CAB39: variants seen among roughly 807,000 people sequenced by gnomAD.
CAB39 encodes the protein calcium binding protein 39.
A neutral mutation model predicts 40.0 loss-of-function variants in CAB39; 8 were observed. The observed-to-expected ratio is 0.20, with a 90% CI of 0.12 to 0.36. CAB39 has a LOEUF of 0.36. CAB39 is among the 10% of genes least tolerant of loss of function. CAB39 has a pLI of 1.00. For synonymous variants in CAB39, 156 were observed against 141.6 expected (o/e 1.10, Z -0.72); for missense variants, 270 against 401.1 (o/e 0.67, Z 2.79).
At chr2:230,749,071 C>T (rs571587871) in intron 1 of CAB39, among the ~76,000 whole-genome samples, 1 of 148,306 alleles carries the variant, frequency 6.7e-6, no homozygotes, top group South Asian at 2.1e-4. Context: ...CCAAGGTAAC[C>T]AAAGAAAATT....
At chr2:230,759,162 A>G (rs1233033709) in intron 1 of CAB39, among the ~76,000 whole-genome samples, 1 of 152,172 alleles carries the variant, frequency 6.6e-6, no homozygotes, top group South Asian at 2.1e-4. Context: ...CATCTTGACA[A>G]CTGTCACATA....
At chr2:230,715,187 A>G (rs1009436597) in intron 1 of CAB39, among the ~76,000 whole-genome samples, 3 of 152,188 alleles carry the variant, frequency 2.0e-5, no homozygotes, top group African/African-American at 7.2e-5. Context: ...CATATAAAAA[A>G]TTTTTACTCA....
At chr2:230,754,327 T>TTCTTCCTTCTTCTTCCTTCC (rs1553670306) in intron 1 of CAB39, among the ~76,000 whole-genome samples, 2 of 136,182 alleles carry the variant, frequency 1.5e-5, no homozygotes, top group Admixed American at 7.1e-5. Context: ...TCCTTCTTCC[T>TTCTTCCTTCTTCTTCCTTCC]TCTTCTTCCT....
chr2:230,814,124 AC>A lies in CAB39; in HGVS notation c.693+12del. On this transcript the variant is annotated intron_variant, in intron 7 of 8. Transcript: ENST00000258418. ...AAGACAGTCACTGAAGGTATGACAG[AC>A]CATTTTGTATAGCTTATTTCTCTGT... The A allele has an allele frequency of 7.3e-7, 1 of 1,365,866 alleles. No homozygotes were observed. The highest frequency in any genetic ancestry group is 1.0e-6 in the Non-Finnish European group (1 of 977,148). 84.6% of individuals were successfully genotyped at this position (1,365,866 alleles called of 1,614,324 possible). A position where few individuals can be genotyped will look rare whatever the true frequency, so the allele number is the denominator to read the frequency against.
intron 2 of CAB39, among the ~76,000 whole-genome samples, chr2:230,760,938 T>C (rs1316398802): frequency 1.3e-5 from 2 of 152,224 alleles, no homozygotes; most frequent in Admixed American, 6.5e-5. Flanking sequence ...ACATTTTCAG[T>C]GTAGATTCTT....
chr2:230,730,235 A>G (rs983397216), intron 1 of CAB39, among the ~76,000 whole-genome samples: 2 of 152,098 alleles, frequency 1.3e-5, no homozygotes, highest in African/African-American at 4.8e-5. Context: ...CAGCCTCTCG[A>G]GTAGCTGGGA....
intron 2 of CAB39, among the ~76,000 whole-genome samples, chr2:230,765,472 A>C (rs1386356452): frequency 1.2e-4 from 19 of 152,272 alleles, no homozygotes; most frequent in Non-Finnish European, 2.9e-5. Flanking sequence ...GCACTTTGAA[A>C]GGTACTATGA....
At chr2:230,756,707 T>G (rs1225493382) in intron 1 of CAB39, among the ~76,000 whole-genome samples, 2 of 149,666 alleles carry the variant, frequency 1.3e-5, no homozygotes, top group African/African-American at 4.9e-5. Flanking sequence ...ATTTATTTAT[T>G]TTTGAGACGG....
chr2:230,715,473 G>A (rs1182309673), intron 1 of CAB39, among the ~76,000 whole-genome samples: 1 of 152,174 alleles, frequency 6.6e-6, no homozygotes, highest in Non-Finnish European at 1.5e-5. Context: ...TTAAAGGGAT[G>A]TTGTCAAAAG....
chr2:230,819,951 C>G lies in CAB39; in HGVS notation c.*1247C>G, dbSNP rs1696478533. ...AACTGAATAATTAAAACTTTGGCTTCTCTTAGGAAAAGACGACTTCCTAGT... is the reference window on the plus strand; with the variant it reads ...AACTGAATAATTAAAACTTTGGCTTGTCTTAGGAAAAGACGACTTCCTAGT... On this transcript the variant is annotated 3_prime_UTR_variant, in exon 9 of 9. Transcript: ENST00000258418. The G allele has an allele frequency of 6.6e-6, 1 of 152,584 alleles. No homozygotes were observed. Among genetic ancestry groups the G allele is most frequent in the African/African-American group, 2.4e-5 (1 of 41,420 alleles). The allele number at this position is 152,584 out of a possible 1,614,324, so 9.5% of individuals were successfully genotyped here.
chr2:230,763,841 G>A (rs1283533733), intron 2 of CAB39, among the ~76,000 whole-genome samples: 3 of 152,104 alleles, frequency 2.0e-5, no homozygotes, highest in Non-Finnish European at 2.9e-5. Flanking sequence ...ACAAATGGTG[G>A]CTGGGCATGG....
intron 1 of CAB39, chr2:230,752,268 A>G (rs551493211): frequency 2.6e-5 from 4 of 152,288 alleles, no homozygotes; most frequent in Admixed American, 6.5e-5. Context: ...AAATATTTCA[A>G]TGGTCAGTAA....
At chr2:230,736,056 T>C (rs753548716) in intron 1 of CAB39, among the ~76,000 whole-genome samples, 2 of 152,224 alleles carry the variant, frequency 1.3e-5, no homozygotes, top group African/African-American at 2.4e-5. Flanking sequence ...CTGTTACTCA[T>C]GGATAGAAAG....
chr2:230,736,381 T>C (rs973259356), intron 1 of CAB39, among the ~76,000 whole-genome samples: 6 of 152,214 alleles, frequency 3.9e-5, no homozygotes, highest in African/African-American at 1.4e-4. Flanking sequence ...CTCTCTTTTT[T>C]TCTTCTCCCC....
chr2:230,744,484 G>A (rs1012801143), intron 1 of CAB39, among the ~76,000 whole-genome samples: 2 of 151,762 alleles, frequency 1.3e-5, no homozygotes, highest in African/African-American at 4.8e-5. Context: ...AGTAAAGACG[G>A]GGTTTCACCG....
rs58654775 is a variant in CAB39 at position 230,733,671 on chromosome 2, A to G, written c.-44+20441A>G. On this transcript the variant is annotated intron_variant, in intron 1 of 8. Transcript: ENST00000258418. ...TTAAATGGTTGTTACTGGATGCCTT[A>G]TAACTCTAAAAAAGGACTGTTTAAG... 8.5e-3 allele frequency among the ~76,000 whole-genome samples: 1,293 copies of G among 152,348 alleles called. 21 individuals are homozygous for G. The highest frequency in any genetic ancestry group is 0.029 in the African/African-American group (1,208 of 41,584).
chr2:230,818,155 A>G (rs945969517), intron 8 of CAB39: 2 of 476,204 alleles, frequency 4.2e-6, no homozygotes, highest in Admixed American at 4.0e-5. Context: ...AGTAACTGCA[A>G]AACAAAAGCA....
In CAB39 at chr2:230,798,903, A is replaced by G. The variant is rs199902246; in HGVS notation, c.567+6A>G. The G allele has an allele frequency of 6.4e-4, 1,017 of 1,578,532 alleles. 8 individuals are homozygous for G. In the Middle Eastern group the frequency reaches 7.1e-3, roughly 11 times the overall value. On this transcript the variant is annotated splice_donor_region_variant and intron_variant, in intron 5 of 8. Coordinates refer to ENST00000258418, the MANE Select transcript of CAB39 (RefSeq NM_016289.4). ...ATGCATTTGCCACATTCAAGGTAAC[A>G]AAAACTGTAGAATTCTAAATATCCT...
At chr2:230,779,435 C>A (rs1415597346) in intron 2 of CAB39, 3 of 152,338 alleles carry the variant, frequency 2.0e-5, no homozygotes, top group Non-Finnish European at 4.4e-5. Context: ...AAGGGATGAT[C>A]CGCATCTCTT....
Sources: gnomAD v4.1 joint callset for allele counts (sites outside exome capture counted in the v4.1 genomes callset) on GRCh38, gnomAD v4.1.1 for gene constraint, MANE v1.5 for transcripts, NCBI Gene and HGNC (gene_info 2026-07-23, HGNC 2026-07-21) for gene names.